Variants in IL17RD observed in about 807,000 individuals in gnomAD.
IL17RD encodes interleukin 17 receptor D.
A neutral mutation model predicts 80.5 loss-of-function variants in IL17RD; 52 were observed. That is an observed-to-expected ratio of 0.65 (90% CI 0.52 to 0.81). The LOEUF is 0.81. Ranked by LOEUF, IL17RD falls within the 40% of genes least tolerant of loss-of-function variation. The pLI, the probability that IL17RD is intolerant of heterozygous loss-of-function variation, is 0.00. For synonymous variants in IL17RD, 416 were observed against 391.8 expected, an observed-to-expected ratio of 1.06 and a Z score of -0.73; for missense variants, 1,024 against 955.1, an observed-to-expected ratio of 1.07 and a Z score of -0.95.
Position 57,098,128 on chromosome 3 carries a change from C to G in IL17RD, c.1575G>C (p.Thr525=), listed in dbSNP as rs373484847. The G allele has an allele frequency of 1.4e-5, 23 of 1,613,824 alleles. No homozygotes were observed. In the African/African-American group the frequency reaches 2.5e-4, roughly 18 times the overall value. ...DHGLQEPGQH[T]RQGSRRNYFR... ...AGTAGTTCCTTCTGCTGCCCTGTCG[C>G]GTGTGCTGCCCCGGCTCCTGGAGGC... The change falls in exon 12 of 13, where the codon ACG becomes ACC. Residue 525 remains threonine (T), a synonymous_variant. Coordinates refer to ENST00000296318, the MANE Select transcript of IL17RD (RefSeq NM_017563.5).
intron 1 of IL17RD, among the ~76,000 whole-genome samples, chr3:57,147,323 G>T (rs1707953855): frequency 6.6e-6 from 1 of 152,178 alleles, no homozygotes; most frequent in Non-Finnish European, 1.5e-5. Context: ...ACATTTTACA[G>T]ATGAAGAAAT....
At chr3:57,169,842 A>C (rs2060361987), upstream of IL17RD, among the ~76,000 whole-genome samples, 1 of 151,814 alleles carries the variant, frequency 6.6e-6, no homozygotes, top group Admixed American at 6.6e-5. Context: ...AGTCCCTGAG[A>C]CCCCACAAGA....
chr3:57,122,064 G>A (rs1215148034), intron 1 of IL17RD, among the ~76,000 whole-genome samples: 2 of 152,158 alleles, frequency 1.3e-5, no homozygotes, highest in African/African-American at 4.8e-5. Context: ...ATCACACCCT[G>A]GCCCTCCAAG....
At chr3:57,155,750 C>A (rs2060262838) in intron 1 of IL17RD, among the ~76,000 whole-genome samples, 1 of 152,134 alleles carries the variant, frequency 6.6e-6, no homozygotes. Context: ...ATCACCATAC[C>A]CAGCTAATTT....
At chr3:57,141,129 T>G (rs995517291) in intron 1 of IL17RD, among the ~76,000 whole-genome samples, 1 of 152,180 alleles carries the variant, frequency 6.6e-6, no homozygotes, top group African/African-American at 2.4e-5. Context: ...CTGAAACTCC[T>G]GGGCTCAAGC....
At chr3:57,130,054 G>A (rs186382101) in intron 1 of IL17RD, among the ~76,000 whole-genome samples, 2 of 152,338 alleles carry the variant, frequency 1.3e-5, no homozygotes, top group East Asian at 3.9e-4. Context: ...CAGGGCTACT[G>A]GCCAAGGCAG....
chr3:57,103,989 AAGT>A (rs1485712957), intron 8 of IL17RD, among the ~76,000 whole-genome samples: 1 of 152,214 alleles, frequency 6.6e-6, no homozygotes, highest in Non-Finnish European at 1.5e-5. Flanking sequence ...AAACTTAGAG[AAGT>A]ATAGGCAAAA....
At chr3:57,131,839 G>A (rs929298711) in intron 1 of IL17RD, among the ~76,000 whole-genome samples, 1 of 152,178 alleles carries the variant, frequency 6.6e-6, no homozygotes, top group African/African-American at 2.4e-5. Flanking sequence ...TAGCTTGATA[G>A]CTTAAAGCTA....
chr3:57,126,430 C>A (rs57946592), intron 1 of IL17RD, among the ~76,000 whole-genome samples: 12,861 of 152,146 alleles, frequency 0.085, 1,828 homozygotes, highest in African/African-American at 0.29. Flanking sequence ...GAATAAAATT[C>A]AAAAGCTAAA....
intron 1 of IL17RD, chr3:57,142,375 A>AGGGAGAAACAAAGGGT (rs987355230): frequency 3.9e-6 from 2 of 509,728 alleles, no homozygotes; most frequent in Non-Finnish European, 7.1e-6. Flanking sequence ...GGAGAAGTGG[A>AGGGAGAAACAAAGGGT]GGGAGAAACA....
At chr3:57,150,750 T>C (rs1708043221) in intron 1 of IL17RD, among the ~76,000 whole-genome samples, 1 of 152,158 alleles carries the variant, frequency 6.6e-6, no homozygotes, top group African/African-American at 2.4e-5. Flanking sequence ...CTCAAAATAT[T>C]TTTTCCTCCT....
chr3:57,148,805 G>A (rs775963291), intron 1 of IL17RD, among the ~76,000 whole-genome samples: 39 of 152,302 alleles, frequency 2.6e-4, no homozygotes, highest in Admixed American at 7.2e-4. Context: ...GTCTAGGGAG[G>A]CAGGTGGGCC....
chr3:57,161,495 T>C (rs1204640967), intron 1 of IL17RD, among the ~76,000 whole-genome samples: 2 of 152,252 alleles, frequency 1.3e-5, no homozygotes, highest in African/African-American at 4.8e-5. Context: ...GTAAAGATGA[T>C]GCCAGCATCC....
chr3:57,128,453 C>G (rs1271456512), intron 1 of IL17RD, among the ~76,000 whole-genome samples: 1 of 152,172 alleles, frequency 6.6e-6, no homozygotes, highest in Admixed American at 6.5e-5. Flanking sequence ...GAGGCCGACC[C>G]ATGCCAAGTT....
At chr3:57,129,976 C>A (rs1002818158) in intron 1 of IL17RD, among the ~76,000 whole-genome samples, 2 of 152,242 alleles carry the variant, frequency 1.3e-5, no homozygotes, top group Admixed American at 1.3e-4. Context: ...AACTGCCTGC[C>A]ATTAGTAGCC....
At chr3:57,125,513 A>C (rs1245934410) in intron 1 of IL17RD, among the ~76,000 whole-genome samples, 1 of 152,200 alleles carries the variant, frequency 6.6e-6, no homozygotes, top group South Asian at 2.1e-4. Context: ...AACCTCAGAA[A>C]TGTTTAGGTC....
Position 57,108,509 on chromosome 3 carries a change from C to CTTTTTTT in IL17RD, c.550+1021_550+1027dup, listed in dbSNP as rs34594516. Reference sequence around the variant, plus strand: ...TTAATCTAATCGTTTTGATACATGGCTTTTTTTTTTTTTTTTTTTTTTTTT... The same window carrying CTTTTTTT: ...TTAATCTAATCGTTTTGATACATGGCTTTTTTTTTTTTTTTTTTTTTTTTTTTTTTTT... On this transcript the variant is annotated intron_variant, in intron 5 of 12. Coordinates refer to ENST00000296318, the MANE Select transcript of IL17RD (RefSeq NM_017563.5). Among the ~76,000 whole-genome samples the CTTTTTTT allele has an allele frequency of 1.0e-3, 50 of 49,166 alleles. 7 individuals carry two copies. Among genetic ancestry groups the CTTTTTTT allele is most frequent in the Admixed American group, 3.2e-3 (8 of 2,524 alleles). 32.3% of individuals were successfully genotyped at this position (49,166 alleles called of 152,430 possible). A position where few individuals can be genotyped will look rare whatever the true frequency, so the allele number is the denominator to read the frequency against.
At chr3:57,133,246 C>T (rs900372456) in intron 1 of IL17RD, among the ~76,000 whole-genome samples, 5 of 152,216 alleles carry the variant, frequency 3.3e-5, no homozygotes, top group Non-Finnish European at 7.3e-5. Flanking sequence ...AGCAGGCAAT[C>T]GGAAGGATAT....
intron 1 of IL17RD, chr3:57,134,725 A>C (rs1167816140): frequency 1.1e-5 from 7 of 652,900 alleles, no homozygotes; most frequent in African/African-American, 1.8e-5. Context: ...GAGAAGTGAA[A>C]GCTCCCCCTT....
Sources: gnomAD v4.1 joint callset for allele counts (sites outside exome capture counted in the v4.1 genomes callset) on GRCh38, gnomAD v4.1.1 for gene constraint, MANE v1.5 for transcripts, NCBI Gene and HGNC (gene_info 2026-07-23, HGNC 2026-07-21) for gene names.